The following LGR5 variants were observed in gnomAD, a reference collection of about 807,000 sequenced individuals.
LGR5 encodes the protein leucine rich repeat containing G protein-coupled receptor 5, also known as leucine-rich repeat-containing G protein-coupled receptor 5.
Under a neutral mutation model 76.7 loss-of-function variants are expected in LGR5, and 54 were observed. The observed-to-expected ratio is 0.70, with a 90% confidence interval of 0.57 to 0.88. The LOEUF is 0.88. Ranked by LOEUF, LGR5 falls within the 40% of genes least tolerant of loss-of-function variation. The pLI is 0.00. For synonymous variants in LGR5, 406 were observed against 421.9 expected, an observed-to-expected ratio of 0.96 and a Z score of 0.46; for missense variants, 1,078 against 1,073.3, an observed-to-expected ratio of 1.00 and a Z score of -0.06.
intron 3 of LGR5, among the ~76,000 whole-genome samples, chr12:71,529,104 T>C (rs1279211773): frequency 2.6e-5 from 4 of 152,342 alleles, no homozygotes; most frequent in East Asian, 1.9e-4. Flanking sequence ...GTAATTTGAT[T>C]GGCATGTTAT....
intron 1 of LGR5, among the ~76,000 whole-genome samples, chr12:71,497,207 C>T (rs1474161508): frequency 4.6e-5 from 7 of 151,938 alleles, no homozygotes; most frequent in Non-Finnish European, 7.4e-5. Flanking sequence ...TCCAGCTATC[C>T]GGCAGGCTGA....
intron 1 of LGR5, among the ~76,000 whole-genome samples, chr12:71,472,900 A>G (rs991936755): frequency 6.6e-6 from 1 of 152,222 alleles, no homozygotes; most frequent in African/African-American, 2.4e-5. Context: ...AGCACATTCT[A>G]TGATCAAAAA....
rs1331143597 is a variant in LGR5 at position 71,586,065 on chromosome 12, A to G, written c.*1331A>G. The G allele has an allele frequency of 6.6e-6, 1 of 152,176 alleles. No homozygotes were observed. The highest frequency in any genetic ancestry group is 1.9e-4 in the East Asian group (1 of 5,196). 9.4% of individuals were successfully genotyped at this position (152,176 alleles called of 1,614,324 possible). On this transcript the variant is annotated 3_prime_UTR_variant, in exon 18 of 18. Coordinates refer to ENST00000266674, the MANE Select transcript of LGR5 (RefSeq NM_003667.4). ...ATACATTTATGAGATGTTTTATAAG[A>G]TGTGTAAATATAGAACTGTATTTAT...
intron 1 of LGR5, among the ~76,000 whole-genome samples, chr12:71,455,988 G>A (rs1025604938): frequency 6.6e-5 from 10 of 152,164 alleles, no homozygotes; most frequent in African/African-American, 2.4e-4. Context: ...TTTGTAAATT[G>A]TAAGCATAAA....
chr12:71,551,310 C>A (rs1164271152), intron 4 of LGR5, among the ~76,000 whole-genome samples: 1 of 152,220 alleles, frequency 6.6e-6, no homozygotes, highest in Non-Finnish European at 1.5e-5. Flanking sequence ...TAGAAATGAG[C>A]TTCCTCCCAA....
chr12:71,566,390 T>A lies in LGR5; in HGVS notation c.858-14T>A. 1 of 1,545,748 alleles carries A rather than the reference T, an allele frequency of 6.5e-7. No individual in the cohort carries two copies. The highest frequency in any genetic ancestry group is 8.9e-7 in the Non-Finnish European group (1 of 1,122,706). ...TTATACTAAGATATTAATTGCTGTT[T>A]GGGTTTCTTTTAGACATTTCTATGA... On this transcript the variant is annotated splice_polypyrimidine_tract_variant and intron_variant, in intron 8 of 17. Coordinates refer to ENST00000266674, the MANE Select transcript of LGR5 (RefSeq NM_003667.4).
intron 2 of LGR5, among the ~76,000 whole-genome samples, chr12:71,519,294 C>G (rs1387518919): frequency 6.6e-6 from 1 of 152,194 alleles, no homozygotes; most frequent in Non-Finnish European, 1.5e-5. Flanking sequence ...TTCTGACCAT[C>G]TTATCTGAAA....
At chr12:71,518,242 GA>G (rs553680012) in intron 2 of LGR5, among the ~76,000 whole-genome samples, 4 of 151,948 alleles carry the variant, frequency 2.6e-5, no homozygotes, top group African/African-American at 9.7e-5. Flanking sequence ...ACAAGTATAT[GA>G]AAAAAAAGCT....
At chr12:71,496,370 CAAAAAAAAAAA>C (rs67593850) in intron 1 of LGR5, among the ~76,000 whole-genome samples, 1 of 99,574 alleles carries the variant, frequency 1.0e-5, no homozygotes, top group East Asian at 2.8e-4. Flanking sequence ...TCCATCTCAA[CAAAAAAAAAAA>C]AAAAAAAAAA....
chr12:71,551,658 C>T (rs544024828), intron 4 of LGR5, among the ~76,000 whole-genome samples: 15 of 152,246 alleles, frequency 9.9e-5, no homozygotes, highest in African/African-American at 2.2e-4. Flanking sequence ...CACTTCCATA[C>T]GAAAAGTTAG....
intron 1 of LGR5, 57 bp from the exon 2 acceptor site, chr12:71,504,557 G>T (rs754605118): frequency 1.5e-6 from 2 of 1,329,284 alleles, no homozygotes; most frequent in Non-Finnish European, 2.2e-6. Flanking sequence ...TTGAACAGCT[G>T]GATTTCCTTG....
chr12:71,526,275 C>T (rs780505475), intron 3 of LGR5, among the ~76,000 whole-genome samples: 1 of 152,034 alleles, frequency 6.6e-6, no homozygotes, highest in Non-Finnish European at 1.5e-5. Flanking sequence ...GTACTTTTAC[C>T]TACAAAGAGG....
At chr12:71,546,745 T>G (rs1592532342) in intron 4 of LGR5, among the ~76,000 whole-genome samples, 1 of 152,134 alleles carries the variant, frequency 6.6e-6, no homozygotes, top group Non-Finnish European at 1.5e-5. Flanking sequence ...TATGAGGGCC[T>G]CCAGTCAGAA....
At chr12:71,481,847 A>G (rs1401883262) in intron 1 of LGR5, among the ~76,000 whole-genome samples, 3 of 152,176 alleles carry the variant, frequency 2.0e-5, no homozygotes, top group African/African-American at 7.2e-5. Context: ...TATTTTCTGT[A>G]TAATTATTAT....
At chr12:71,469,064 T>G (rs1872979515) in intron 1 of LGR5, among the ~76,000 whole-genome samples, 1 of 152,170 alleles carries the variant, frequency 6.6e-6, no homozygotes, top group Non-Finnish European at 1.5e-5. Flanking sequence ...TAGTTTAAAT[T>G]TATGTTTAGT....
rs992954289 is a variant in LGR5, at chr12:71,552,956, G to C, written c.429-117G>C. ...AATGCTCCAGATGTCAGGGCTCTCG[G>C]GGACCCCAGGCCCTGTTCCACTCTT... On this transcript the variant is annotated intron_variant, in intron 4 of 17. Transcript: ENST00000266674. 4 of 808,972 alleles carry C rather than the reference G, an allele frequency of 4.9e-6. No individual in the cohort carries two copies. The African/African-American group carries it at 5.2e-5, about 10-fold the overall frequency. The allele number at this position is 808,972 out of a possible 1,614,324, so 50.1% of individuals were successfully genotyped here.
chr12:71,470,538 A>G (rs1007124272), intron 1 of LGR5, among the ~76,000 whole-genome samples: 19 of 152,090 alleles, frequency 1.2e-4, no homozygotes, highest in Non-Finnish European at 2.1e-4. Context: ...ACATACACAC[A>G]TATATGTCTT....
At chr12:71,529,974 G>A (rs1417826948) in intron 3 of LGR5, among the ~76,000 whole-genome samples, 15 of 142,030 alleles carry the variant, frequency 1.1e-4, no homozygotes, top group African/African-American at 3.1e-4. Context: ...AAAAAAAAAA[G>A]TAGAAGCAAA....
chr12:71,579,995 C>T (rs79436347), intron 15 of LGR5, among the ~76,000 whole-genome samples: 8,895 of 152,072 alleles, frequency 0.058, 353 homozygotes, highest in South Asian at 0.084. Context: ...TTCTTAGCAG[C>T]CTTTTTTTTA....
Sources: allele counts gnomAD v4.1 joint callset (sites outside exome capture counted in the v4.1 genomes callset), GRCh38; gene constraint gnomAD v4.1.1; transcripts MANE v1.5; gene names NCBI Gene and HGNC (gene_info 2026-07-23, HGNC 2026-07-21).